ADAMTSL1: variants seen among roughly 807,000 people sequenced by gnomAD.
ADAMTSL1 encodes ADAMTS-like protein 1.
In ADAMTSL1, 126 loss-of-function variants were observed where a neutral mutation model predicts 201.8. The ratio of observed to expected loss-of-function variants is 0.62; its 90% CI spans 0.54 to 0.72. ADAMTSL1 has a LOEUF of 0.72. ADAMTSL1 is among the 30% of genes least tolerant of loss of function. The pLI, the probability that ADAMTSL1 is intolerant of heterozygous loss-of-function variation, is 0.00. For missense variants in ADAMTSL1, 2,679 were observed against 2,277.8 expected (o/e 1.18, Z -3.59); for synonymous variants, 1,121 against 903.4 (o/e 1.24, Z -4.32).
chr9:18,644,739 A>G (rs866768098), intron 7 of ADAMTSL1, among the ~76,000 whole-genome samples: 1 of 152,060 alleles, frequency 6.6e-6, no homozygotes, highest in South Asian at 2.1e-4. Context: ...ATGGCTGCAT[A>G]GTATTCCATG....
At chr9:18,272,442 A>T (rs1206252041) in intron 2 of ADAMTSL1, among the ~76,000 whole-genome samples, 1 of 152,242 alleles carries the variant, frequency 6.6e-6, no homozygotes, top group Admixed American at 6.5e-5. Flanking sequence ...CTTACACCTT[A>T]TACAAAAATT....
chr9:18,412,119 G>A (rs1818469540), intron 2 of ADAMTSL1, among the ~76,000 whole-genome samples: 4 of 152,088 alleles, frequency 2.6e-5, no homozygotes, highest in Admixed American at 2.6e-4. Context: ...CTTCCTCATG[G>A]CACCATTTAA....
chr9:18,359,467 G>T (rs2032481025), intron 2 of ADAMTSL1, among the ~76,000 whole-genome samples: 1 of 152,186 alleles, frequency 6.6e-6, no homozygotes, highest in African/African-American at 2.4e-5. Context: ...AGAACAAAGT[G>T]AGGACAATGT....
intron 1 of ADAMTSL1, among the ~76,000 whole-genome samples, chr9:17,986,720 C>T (rs1818942883): frequency 6.6e-6 from 1 of 152,002 alleles, no homozygotes; most frequent in Non-Finnish European, 1.5e-5. Context: ...GACAGTGTGG[C>T]ATTGCAGCAC....
intron 2 of ADAMTSL1, among the ~76,000 whole-genome samples, chr9:18,433,434 C>G (rs1819585132): frequency 6.6e-6 from 1 of 151,970 alleles, no homozygotes; most frequent in African/African-American, 2.4e-5. Context: ...ATTGGAATGT[C>G]TTAGGGTCTT....
rs756972727 is a variant in ADAMTSL1, at chr9:18,706,936, T to C, written c.1764T>C (p.Pro588=). The C allele has an allele frequency of 7.4e-6, 12 of 1,614,002 alleles. No homozygotes were observed. Among genetic ancestry groups the C allele is most frequent in the Non-Finnish European group, 1.0e-5 (12 of 1,179,890 alleles). ...CYAGPCSGEI[P]EFNPDETDGL... ...CAGGCCCATGCAGCGGGGAAATTCC[T>C]GAGTTCAACCCAGACGAGACAGATG... Residue 588 remains proline (P), a synonymous_variant, in exon 14 of 29, where the codon CCT becomes CCC. Coordinates refer to ENST00000380548, the MANE Select transcript of ADAMTSL1 (RefSeq NM_001040272.6).
At chr9:18,869,073 A>G (rs1827724277) in intron 23 of ADAMTSL1, among the ~76,000 whole-genome samples, 1 of 152,222 alleles carries the variant, frequency 6.6e-6, no homozygotes, top group Non-Finnish European at 1.5e-5. Context: ...ACATGCACAC[A>G]AGGCAGAACT....
chr9:18,441,030 C>T (rs146185326), intron 2 of ADAMTSL1, among the ~76,000 whole-genome samples: 102 of 152,080 alleles, frequency 6.7e-4, no homozygotes, highest in African/African-American at 2.4e-3. Flanking sequence ...ATAGATGAAC[C>T]CTGAAAACAT....
chr9:18,829,145 A>C (rs1417364540), intron 22 of ADAMTSL1, among the ~76,000 whole-genome samples: 1 of 152,154 alleles, frequency 6.6e-6, no homozygotes, highest in African/African-American at 2.4e-5. Context: ...AGAAATGATA[A>C]GCCACTATAT....
At chr9:18,298,455 G>A (rs1352243109) in intron 2 of ADAMTSL1, among the ~76,000 whole-genome samples, 3 of 152,160 alleles carry the variant, frequency 2.0e-5, no homozygotes, top group Non-Finnish European at 4.4e-5. Flanking sequence ...ACAAAGCACT[G>A]ACTGAATTTT....
intron 3 of ADAMTSL1, among the ~76,000 whole-genome samples, chr9:18,538,692 G>A (rs539128176): frequency 2.0e-5 from 3 of 152,292 alleles, no homozygotes; most frequent in South Asian, 2.1e-4. Context: ...GGTGATTCTC[G>A]TTGAGGTTGT....
intron 1 of ADAMTSL1, among the ~76,000 whole-genome samples, chr9:17,961,310 G>A (rs746468833): frequency 4.6e-5 from 7 of 151,986 alleles, no homozygotes; most frequent in Admixed American, 1.3e-4. Context: ...GTGTAATGAC[G>A]CAATCTTGGC....
intron 20 of ADAMTSL1, 70 bp from the exon 21 acceptor site, chr9:18,817,039 T>A: frequency 1.3e-6 from 2 of 1,566,608 alleles, no homozygotes; most frequent in Non-Finnish European, 1.7e-6. Context: ...GGTTAGCCCA[T>A]ATTTCAAAGG....
Position 18,562,346 on chromosome 9 carries a change from C to T in ADAMTSL1, c.238-11684C>T, listed in dbSNP as rs142758823. 2.9e-3 allele frequency among the ~76,000 whole-genome samples: 435 copies of T among 152,228 alleles called. 2 individuals are homozygous for T. Among genetic ancestry groups the T allele is most frequent in the Non-Finnish European group, 4.9e-3 (336 of 68,012 alleles). On this transcript the variant is annotated intron_variant, in intron 3 of 28. Transcript: ENST00000380548. ...CTTTTAAGAATGTTGAATATTGGCCCCCACTCTCTTCTGGCTTGTAGGGTT... is the reference window on the plus strand; with the variant it reads ...CTTTTAAGAATGTTGAATATTGGCCTCCACTCTCTTCTGGCTTGTAGGGTT...
intron 2 of ADAMTSL1, among the ~76,000 whole-genome samples, chr9:18,515,081 C>A (rs1256468250): frequency 6.6e-6 from 1 of 152,094 alleles, no homozygotes; most frequent in Non-Finnish European, 1.5e-5. Context: ...ATCCTAGTTA[C>A]ACTTTAGAAT....
intron 1 of ADAMTSL1, among the ~76,000 whole-genome samples, chr9:17,996,977 C>T (rs1819406546): frequency 6.6e-6 from 1 of 152,158 alleles, no homozygotes; most frequent in African/African-American, 2.4e-5. Flanking sequence ...TCTGATTTAA[C>T]CTCCTTGCTA....
At chr9:18,205,672 C>A (rs1184002778) in intron 2 of ADAMTSL1, among the ~76,000 whole-genome samples, 2 of 152,050 alleles carry the variant, frequency 1.3e-5, no homozygotes, top group East Asian at 3.9e-4. Context: ...CCTGTGAATT[C>A]ATTCATATTT....
At chr9:18,079,313 C>G (rs1335087885) in intron 1 of ADAMTSL1, among the ~76,000 whole-genome samples, 6 of 152,234 alleles carry the variant, frequency 3.9e-5, no homozygotes, top group Non-Finnish European at 1.5e-5. Context: ...TGGGATTTCA[C>G]TGCTATCGCA....
intron 1 of ADAMTSL1, among the ~76,000 whole-genome samples, chr9:18,008,519 C>T (rs1819922474): frequency 6.6e-6 from 1 of 151,766 alleles, no homozygotes; most frequent in Admixed American, 6.6e-5. Context: ...ATCAACAATC[C>T]CAAATATTAG....
Sources: allele counts gnomAD v4.1 joint callset (sites outside exome capture counted in the v4.1 genomes callset), GRCh38; gene constraint gnomAD v4.1.1; transcripts MANE v1.5; gene names NCBI Gene and HGNC (gene_info 2026-07-23, HGNC 2026-07-21).